The following RHCE variants were observed in gnomAD, a reference collection of about 807,000 sequenced individuals.
RHCE encodes the protein Rh blood group CcEe antigens.
Under a neutral mutation model 43.8 loss-of-function variants are expected in RHCE, and 22 were observed. That is an observed-to-expected ratio of 0.50 (90% confidence interval 0.36 to 0.72). The LOEUF is 0.72. Ranked by LOEUF, RHCE falls within the 30% of genes least tolerant of loss-of-function variation. The pLI, the probability that RHCE is intolerant of heterozygous loss-of-function variation, is 0.00. For synonymous variants in RHCE, 156 were observed against 210.7 expected (o/e 0.74, Z 2.25); for missense variants, 385 against 525.4 (o/e 0.73, Z 2.61).
In RHCE at chr1:25,385,786, C is replaced by G. The variant is rs757249783; in HGVS notation, c.998G>C (p.Ser333Thr). The change falls in exon 7 of 10, where the codon AGC becomes ACC. Residue 333 changes from serine (S) to threonine (T), a missense_variant. Physicochemically the swap from Ser to Thr is moderately conservative, Grantham distance 58. Around this residue, in one of 6 missense-constraint regions of RHCE, gnomAD observed 82 missense variants for 69.2 expected, o/e 1.18. Transcript: ENST00000294413. The stretch of plus-strand genomic sequence containing the variant: ...GATCTCTCCAAGCAGACCCAGCAAG[C>G]TGAAGATGGAGTGCATGACGGAGAT... ...HHISVMHSIF[S>T]LLGLLGEITY... The G allele has an allele frequency of 2.5e-6, 4 of 1,613,978 alleles. No individual in the cohort carries two copies. The highest frequency in any genetic ancestry group is 3.4e-6 in the Non-Finnish European group (4 of 1,180,018).
upstream of RHCE, among the ~76,000 whole-genome samples, chr1:25,421,553 G>C (rs984919819): frequency 3.3e-5 from 5 of 152,214 alleles, no homozygotes; most frequent in South Asian, 2.1e-4. Flanking sequence ...ACTCTGCCTG[G>C]GGCACTACAG....
intron 1 of RHCE, among the ~76,000 whole-genome samples, chr1:25,412,976 A>T (rs1314050058): frequency 6.6e-6 from 1 of 152,120 alleles, no homozygotes; most frequent in Non-Finnish European, 1.5e-5. Context: ...GTGAGCCGAG[A>T]TCGCACCACT....
chr1:25,372,843 T>C (rs1021718737), intron 8 of RHCE, among the ~76,000 whole-genome samples: 6 of 151,744 alleles, frequency 4.0e-5, no homozygotes, highest in African/African-American at 1.5e-4. Flanking sequence ...CTTGCTCTGT[T>C]GTCCAGGCTG....
intron 7 of RHCE, among the ~76,000 whole-genome samples, chr1:25,377,934 A>G (rs1303178662): frequency 3.9e-5 from 6 of 152,222 alleles, no homozygotes; most frequent in Non-Finnish European, 5.9e-5. Context: ...GGTAAGCCAC[A>G]TAGTGGGATT....
At chr1:25,412,237 T>C (rs1303774976) in intron 1 of RHCE, among the ~76,000 whole-genome samples, 2 of 152,238 alleles carry the variant, frequency 1.3e-5, no homozygotes, top group South Asian at 4.1e-4. Context: ...TTCTCTCACC[T>C]CACTAAGCGA....
At chr1:25,388,302 T>G (rs1381074856) in intron 6 of RHCE, among the ~76,000 whole-genome samples, 1 of 129,208 alleles carries the variant, frequency 7.7e-6, no homozygotes, top group East Asian at 2.1e-4. Context: ...GATCAGGATT[T>G]GCTGAGTATT....
intron 3 of RHCE, among the ~76,000 whole-genome samples, chr1:25,397,358 G>A (rs1445774631): frequency 2.0e-5 from 3 of 151,156 alleles, no homozygotes; most frequent in African/African-American, 7.3e-5. Context: ...TAAGCCAGGC[G>A]TGGTGGTGTG....
chr1:25,399,258 A>G, intron 3 of RHCE: 1 of 780,672 alleles, frequency 1.3e-6, no homozygotes, highest in South Asian at 1.4e-5. Context: ...CTGCTTTGTC[A>G]TGCCATTAAG....
intron 7 of RHCE, among the ~76,000 whole-genome samples, chr1:25,379,217 G>T (rs374183284): frequency 0.014 from 2,152 of 151,740 alleles, 30 homozygotes; most frequent in Non-Finnish European, 0.018. Flanking sequence ...GTCAGCTCAG[G>T]TCTCTCTTCC....
At chr1:25,425,101 G>T (rs925336775), upstream of RHCE, among the ~76,000 whole-genome samples, 19 of 152,192 alleles carry the variant, frequency 1.2e-4, no homozygotes, top group African/African-American at 4.6e-4. Context: ...ACAGGCGTGA[G>T]CCACTGCGTC....
chr1:25,400,430 T>C (rs1646701944), intron 3 of RHCE, among the ~76,000 whole-genome samples: 1 of 151,386 alleles, frequency 6.6e-6, no homozygotes. Flanking sequence ...CTCCTGGGCT[T>C]CCTCCTGCCT....
chr1:25,412,676 T>C (rs1168389871), intron 1 of RHCE, among the ~76,000 whole-genome samples: 7 of 133,558 alleles, frequency 5.2e-5, no homozygotes, highest in Admixed American at 2.7e-4. Context: ...CACATCACTA[T>C]ACTCCAGCAG....
chr1:25,396,402 T>C lies in RHCE; in HGVS notation c.487-4261A>G, dbSNP rs541200719. The stretch of plus-strand genomic sequence containing the variant: ...ATGTCAATTTCTCATTTTTGTTAAC[T>C]GAACAATGGTTATGTAAGAGAATGT... On this transcript the variant is annotated intron_variant, in intron 3 of 9. Coordinates refer to ENST00000294413, the MANE Select transcript of RHCE (RefSeq NM_020485.8). Among the ~76,000 whole-genome samples, 4 of 152,364 alleles carry C rather than the reference T, an allele frequency of 2.6e-5. No individual in the cohort carries two copies. The East Asian group carries it at 7.7e-4, about 29-fold the overall frequency.
chr1:25,402,604 T>C lies in RHCE; in HGVS notation c.478A>G (p.Ile160Val). 6.8e-6 allele frequency: 11 copies of C among 1,614,030 alleles called. No individual in the cohort carries two copies. The highest frequency in any genetic ancestry group is 9.3e-6 in the Non-Finnish European group (11 of 1,179,996). ...LGTLRMVISN[I>V]FNTDYHMNLR... is the part of the protein sequence containing the mutation. ...CCAGCACCATGACTCACGTTGAAGA[T>C]ATTACTGATGACCATCCTCAGGGTG... Residue 160 changes from isoleucine (I) to valine (V), a missense_variant, in exon 3 of 10, where the codon ATC (isoleucine) becomes GTC (valine). Physicochemically the swap from Ile to Val is conservative, Grantham distance 29. This residue lies in a region of RHCE where 110 missense variants were observed against 103.4 expected (regional missense o/e 1.06). Transcript: ENST00000294413.
Position 25,362,281 on chromosome 1 carries a change from G to A in RHCE, c.*246C>T. 1.2e-6 allele frequency: 1 copy of A among 842,552 alleles called. No homozygotes were observed. The allele number at this position is 842,552 out of a possible 1,614,324, so 52.2% of individuals were successfully genotyped here. A position where few individuals can be genotyped will look rare whatever the true frequency, so the allele number is the denominator to read the frequency against. ...AACCCAAAACTTTAATAATGTGTCT[G>A]TAACCAAGAAAATATTGATAGCATC... is the stretch of plus-strand genomic sequence containing the variant. On this transcript the variant is annotated 3_prime_UTR_variant, in exon 10 of 10. Coordinates refer to ENST00000294413, the MANE Select transcript of RHCE (RefSeq NM_020485.8).
intron 1 of RHCE, among the ~76,000 whole-genome samples, chr1:25,415,181 A>G (rs1307920191): frequency 6.6e-6 from 1 of 152,036 alleles, no homozygotes; most frequent in Non-Finnish European, 1.5e-5. Context: ...TATCTCCTAA[A>G]TATCTCTAGA....
chr1:25,425,893 T>C (rs547115914), intron 2 of RHCE, among the ~76,000 whole-genome samples: 37 of 152,330 alleles, frequency 2.4e-4, no homozygotes, highest in Admixed American at 2.2e-3. Context: ...TCTGGGCACG[T>C]TTGGCTAAAG....
At position 25,392,144 on chromosome 1, in the gene RHCE, G is replaced by A; in HGVS notation, c.487-3C>T. ...CTCAGGTTCATGTGGTAGTCTGTCT[G>A]CAATAAAACCCAGTAAGAGCAGTGA... On this transcript the variant is annotated splice_region_variant and splice_polypyrimidine_tract_variant and intron_variant, in intron 3 of 9. Transcript: ENST00000294413. The A allele has an allele frequency of 6.2e-7, 1 of 1,614,122 alleles. No homozygotes were observed. The highest frequency in any genetic ancestry group is 1.1e-5 in the South Asian group (1 of 91,084).
intron 6 of RHCE, among the ~76,000 whole-genome samples, chr1:25,386,425 C>T (rs1312746530): frequency 6.6e-6 from 1 of 152,216 alleles, no homozygotes; most frequent in Non-Finnish European, 1.5e-5. Context: ...ATCCTTCCTC[C>T]CCATCACTCA....
Sources: allele counts gnomAD v4.1 joint callset (sites outside exome capture counted in the v4.1 genomes callset), GRCh38; gene constraint gnomAD v4.1.1; regional missense constraint gnomAD v4.1.1; transcripts MANE v1.5; gene names NCBI Gene and HGNC (gene_info 2026-07-23, HGNC 2026-07-21).